Variants in PDE4D observed in about 807,000 individuals in gnomAD.
PDE4D encodes phosphodiesterase 4D, also known as 3',5'-cyclic-AMP phosphodiesterase 4D.
PDE4D carries 24 observed loss-of-function variants against 87.4 expected under a neutral mutation model. That is an observed-to-expected ratio of 0.27 (90% CI 0.20 to 0.39). PDE4D has a LOEUF of 0.39. Among genes scored for constraint, PDE4D ranks in the 10% least tolerant of loss-of-function variants. The pLI is 1.00. For synonymous variants in PDE4D, 384 were observed against 383.2 expected, an observed-to-expected ratio of 1.00 and a Z score of -0.02; for missense variants, 714 against 1,041.0, an observed-to-expected ratio of 0.69 and a Z score of 4.32.
At chr5:60,430,341 T>A in intron 1 of PDE4D, 1 of 426,280 alleles carries the variant, frequency 2.3e-6, no homozygotes, top group African/African-American at 2.0e-5. Flanking sequence ...GTAGTAAAGC[T>A]AGTCTCATCT....
At position 60,493,580 on chromosome 5, in the gene PDE4D, ACAATCATTCATT is replaced by A. The variant is rs879769312; in HGVS notation, n.70+28459_70+28470del. Among the ~76,000 whole-genome samples, 344 of 130,818 alleles carry A rather than the reference ACAATCATTCATT, an allele frequency of 2.6e-3. 1 individual carries two copies. The highest frequency in any genetic ancestry group is 8.9e-3 in the African/African-American group (329 of 36,946). The allele number at this position is 130,818 out of a possible 152,430, so 85.8% of individuals were successfully genotyped here. On this transcript the variant is annotated intron_variant and non_coding_transcript_variant, in intron 1 of 2. Transcript: ENST00000506510. ...AGAGAAGGAGTATGGACTTCTATAC[ACAATCATTCATT>A]CATTCATTCATTCATTCATTCATTC...
intron 1 of PDE4D, among the ~76,000 whole-genome samples, chr5:60,294,287 T>G (rs1237271345): frequency 6.6e-6 from 1 of 152,334 alleles, no homozygotes; most frequent in South Asian, 2.1e-4. Context: ...TTTTCTTTGG[T>G]CTTTATCTTA....
chr5:59,690,226 T>C (rs1057421957), intron 1 of PDE4D, among the ~76,000 whole-genome samples: 5 of 152,270 alleles, frequency 3.3e-5, no homozygotes, highest in Admixed American at 6.5e-5. Flanking sequence ...TACTTTAAAG[T>C]TTATGTGGAA....
intron 1 of PDE4D, among the ~76,000 whole-genome samples, chr5:59,344,268 T>A (rs1779265004): frequency 6.6e-6 from 1 of 152,204 alleles, no homozygotes; most frequent in African/African-American, 2.4e-5. Flanking sequence ...GCCTTCCCCT[T>A]TCCCCAAAGT....
At chr5:59,238,962 G>T (rs990170337) in intron 1 of PDE4D, among the ~76,000 whole-genome samples, 1 of 152,168 alleles carries the variant, frequency 6.6e-6, no homozygotes, top group Non-Finnish European at 1.5e-5. Context: ...ATCTCAGAAA[G>T]GTTTTCTTTG....
At chr5:60,001,125 C>T (rs1049768908) in intron 2 of PDE4D, among the ~76,000 whole-genome samples, 9 of 152,078 alleles carry the variant, frequency 5.9e-5, no homozygotes, top group African/African-American at 1.7e-4. Context: ...GATCTGGGGA[C>T]GGTTCTCCCT....
intron 3 of PDE4D, among the ~76,000 whole-genome samples, chr5:59,982,804 A>G (rs186638077): frequency 1.2e-4 from 18 of 152,284 alleles, no homozygotes; most frequent in Admixed American, 3.9e-4. Context: ...ATCCATCTCT[A>G]CCCCAAGAGT....
chr5:59,201,230 G>T (rs577485878), intron 2 of PDE4D, among the ~76,000 whole-genome samples: 1 of 152,016 alleles, frequency 6.6e-6, no homozygotes, highest in East Asian at 1.9e-4. Context: ...ATAAGACAAA[G>T]GTAAATATTA....
At chr5:59,406,267 T>G (rs1366657577) in intron 1 of PDE4D, among the ~76,000 whole-genome samples, 2 of 152,174 alleles carry the variant, frequency 1.3e-5, no homozygotes, top group Non-Finnish European at 2.9e-5. Context: ...TGTATTTGTC[T>G]AGGAATTTAT....
chr5:58,999,645 A>T lies in PDE4D; in HGVS notation c.922-6180T>A, dbSNP rs569123684. On this transcript the variant is annotated intron_variant, in intron 6 of 14. Transcript: ENST00000340635. ...TTAACAACCTCCACAAGCCACGCAGAGTATGAGTTTTTAAAGATTTTTGGT... is the reference window on the plus strand; with the variant it reads ...TTAACAACCTCCACAAGCCACGCAGTGTATGAGTTTTTAAAGATTTTTGGT... 1.0e-4 allele frequency: 117 copies of T among 1,151,712 alleles called. 2 individuals are homozygous for T. In the South Asian group the frequency reaches 3.5e-3, roughly 35 times the overall value. 71.3% of individuals were successfully genotyped at this position (1,151,712 alleles called of 1,614,324 possible).
At chr5:59,710,670 C>T (rs1754077722) in intron 1 of PDE4D, among the ~76,000 whole-genome samples, 1 of 152,068 alleles carries the variant, frequency 6.6e-6, no homozygotes, top group Admixed American at 6.6e-5. Flanking sequence ...ATGTCATATC[C>T]TGATTAACCT....
chr5:59,026,248 T>C (rs969411022), intron 6 of PDE4D, among the ~76,000 whole-genome samples: 1 of 152,232 alleles, frequency 6.6e-6, no homozygotes, highest in Non-Finnish European at 1.5e-5. Context: ...TGATCTAGCA[T>C]ATACTATGAT....
At chr5:60,461,221 G>A (rs1746912532) in intron 1 of PDE4D, among the ~76,000 whole-genome samples, 2 of 152,136 alleles carry the variant, frequency 1.3e-5, no homozygotes, top group African/African-American at 4.8e-5. Flanking sequence ...GAAAGAGGAG[G>A]AAAATCAGGC....
intron 1 of PDE4D, among the ~76,000 whole-genome samples, chr5:60,296,785 T>C (rs1753433775): frequency 6.6e-6 from 1 of 152,162 alleles, no homozygotes; most frequent in Admixed American, 6.5e-5. Flanking sequence ...GTTCATGTCC[T>C]TTGCAGGGAC....
At chr5:59,282,996 C>T (rs1262866232) in intron 1 of PDE4D, among the ~76,000 whole-genome samples, 4 of 152,116 alleles carry the variant, frequency 2.6e-5, no homozygotes, top group African/African-American at 9.7e-5. Context: ...GTCAGACTGC[C>T]TGGTTGCAAA....
rs866225919 is a variant in PDE4D at position 59,110,004 on chromosome 5, T to A, written c.808+70591A>T. Among the ~76,000 whole-genome samples, 8 of 152,238 alleles carry A rather than the reference T, an allele frequency of 5.3e-5. No individual in the cohort carries two copies. The East Asian group carries it at 1.5e-3, about 29-fold the overall frequency. ...GAGTGTGCCCATCCTCCTGTGATGA[T>A]CTCCCTACTGCTCACATGCATGTCC... is the stretch of plus-strand genomic sequence containing the variant. On this transcript the variant is annotated intron_variant, in intron 5 of 14. Coordinates refer to ENST00000340635, the MANE Select transcript of PDE4D (RefSeq NM_001104631.2).
chr5:60,023,326 C>A (rs1766276095), intron 2 of PDE4D, among the ~76,000 whole-genome samples: 1 of 152,056 alleles, frequency 6.6e-6, no homozygotes, highest in Admixed American at 6.6e-5. Flanking sequence ...AGCATCTGGG[C>A]TCTTGTTTTC....
intron 3 of PDE4D, among the ~76,000 whole-genome samples, chr5:59,908,063 A>G (rs1292144490): frequency 1.3e-5 from 2 of 152,074 alleles, no homozygotes; most frequent in South Asian, 2.1e-4. Context: ...TGACCTATAC[A>G]TAACGTTTTA....
intron 1 of PDE4D, among the ~76,000 whole-genome samples, chr5:59,601,344 C>T (rs1026889940): frequency 6.6e-6 from 1 of 151,776 alleles, no homozygotes; most frequent in Non-Finnish European, 1.5e-5. Context: ...TAATCCTCTT[C>T]CCGTGAAGGC....
Sources: allele counts gnomAD v4.1 joint callset (sites outside exome capture counted in the v4.1 genomes callset), GRCh38; gene constraint gnomAD v4.1.1; transcripts MANE v1.5; gene names NCBI Gene and HGNC (gene_info 2026-07-23, HGNC 2026-07-21).